The following RBFOX1 variants were observed in gnomAD, a reference collection of about 807,000 sequenced individuals.
RBFOX1 encodes the protein RNA binding fox-1 homolog 1.
RBFOX1 carries 8 observed loss-of-function variants against 57.7 expected under a neutral mutation model. The ratio of observed to expected loss-of-function variants is 0.14; its 90% CI spans 0.08 to 0.25. The LOEUF is 0.25. Ranked by LOEUF, RBFOX1 falls within the 10% of genes least tolerant of loss-of-function variation. The pLI is 1.00. For missense variants in RBFOX1, 611 were observed against 548.5 expected, an observed-to-expected ratio of 1.11 and a Z score of -1.14; for synonymous variants, 326 against 222.4, an observed-to-expected ratio of 1.47 and a Z score of -4.15.
chr16:6,696,451 T>G (rs541259808), intron 3 of RBFOX1, among the ~76,000 whole-genome samples: 20 of 152,330 alleles, frequency 1.3e-4, no homozygotes, highest in South Asian at 4.1e-4. Flanking sequence ...GAAATAAATA[T>G]AATCTTTGAA....
At chr16:7,242,490 T>C (rs2094115698) in intron 4 of RBFOX1, among the ~76,000 whole-genome samples, 1 of 152,214 alleles carries the variant, frequency 6.6e-6, no homozygotes, top group Admixed American at 6.5e-5. Context: ...ATAGATACAG[T>C]GTACCTCCCC....
intron 1 of RBFOX1, among the ~76,000 whole-genome samples, chr16:6,281,685 A>C (rs1181716934): frequency 6.6e-6 from 1 of 152,178 alleles, no homozygotes; most frequent in African/African-American, 2.4e-5. Context: ...TGCCGACGTA[A>C]TAACAACACT....
chr16:6,252,252 C>G (rs1338917222), intron 1 of RBFOX1, among the ~76,000 whole-genome samples: 1 of 152,040 alleles, frequency 6.6e-6, no homozygotes, highest in Admixed American at 6.6e-5. Flanking sequence ...CGCCCCCACC[C>G]TAAACCTGAA....
chr16:6,620,355 A>G (rs1307514688), intron 2 of RBFOX1, among the ~76,000 whole-genome samples: 1 of 152,218 alleles, frequency 6.6e-6, no homozygotes, highest in Admixed American at 6.5e-5. Flanking sequence ...CAGTGTTAAG[A>G]GGGAAATGTA....
chr16:6,675,229 G>C (rs1209337968), intron 3 of RBFOX1, among the ~76,000 whole-genome samples: 1 of 152,168 alleles, frequency 6.6e-6, no homozygotes, highest in Non-Finnish European at 1.5e-5. Flanking sequence ...AAGCAACCCA[G>C]GTTGTGGTGA....
intron 2 of RBFOX1, among the ~76,000 whole-genome samples, chr16:6,513,425 C>G (rs35156265): frequency 2.6e-5 from 4 of 152,078 alleles, no homozygotes; most frequent in African/African-American, 7.2e-5. Flanking sequence ...GGACTCATGA[C>G]TCTGTGTAAA....
chr16:6,419,565 A>G (rs1480611666), intron 2 of RBFOX1, among the ~76,000 whole-genome samples: 1 of 152,226 alleles, frequency 6.6e-6, no homozygotes, highest in Non-Finnish European at 1.5e-5. Context: ...GCAGAGGAGA[A>G]TGAAAAGGTA....
intron 3 of RBFOX1, among the ~76,000 whole-genome samples, chr16:6,667,737 C>T (rs1311107440): frequency 6.6e-6 from 1 of 151,892 alleles, no homozygotes; most frequent in African/African-American, 2.4e-5. Context: ...AAAATATAGC[C>T]ACATAGTTAG....
chr16:7,182,318 C>A (rs1217543777), intron 4 of RBFOX1, among the ~76,000 whole-genome samples: 1 of 150,460 alleles, frequency 6.6e-6, no homozygotes, highest in East Asian at 1.9e-4. Context: ...TGCCCCCCTG[C>A]AAAAAAAAAG....
intron 3 of RBFOX1, among the ~76,000 whole-genome samples, chr16:5,834,167 T>C (rs1402817063): frequency 6.6e-6 from 1 of 152,218 alleles, no homozygotes; most frequent in African/African-American, 2.4e-5. Flanking sequence ...GGTTTTTGGT[T>C]ACATGGATTC....
chr16:7,320,105 G>C (rs1053759957), intron 4 of RBFOX1, among the ~76,000 whole-genome samples: 1 of 152,128 alleles, frequency 6.6e-6, no homozygotes, highest in Non-Finnish European at 1.5e-5. Flanking sequence ...CAGGATACAT[G>C]TGCAGGATGT....
intron 4 of RBFOX1, among the ~76,000 whole-genome samples, chr16:7,393,931 C>G (rs2098091333): frequency 6.6e-6 from 1 of 151,950 alleles, no homozygotes; most frequent in African/African-American, 2.4e-5. Flanking sequence ...GGCTGAGGCA[C>G]CAGCTTTAAG....
chr16:6,591,254 T>C (rs1490442229), intron 2 of RBFOX1, among the ~76,000 whole-genome samples: 1 of 152,182 alleles, frequency 6.6e-6, no homozygotes, highest in Non-Finnish European at 1.5e-5. Flanking sequence ...AAGACCAGCC[T>C]GGCCAACATG....
intron 2 of RBFOX1, among the ~76,000 whole-genome samples, chr16:6,477,591 G>A (rs942383032): frequency 1.3e-5 from 2 of 152,220 alleles, no homozygotes; most frequent in African/African-American, 4.8e-5. Context: ...AGTAGATTTA[G>A]AGTTATTCTT....
intron 4 of RBFOX1, among the ~76,000 whole-genome samples, chr16:5,948,919 CACA>C (rs1426166058): frequency 3.3e-5 from 5 of 152,180 alleles, no homozygotes; most frequent in Admixed American, 3.3e-4. Flanking sequence ...GGGTACATTA[CACA>C]ACAACAGATG....
intron 1 of RBFOX1, among the ~76,000 whole-genome samples, chr16:6,157,289 C>G (rs1408125328): frequency 6.6e-6 from 1 of 151,930 alleles, no homozygotes; most frequent in Non-Finnish European, 1.5e-5. Context: ...CCAAGGTAAG[C>G]CCAGAAACCA....
intron 4 of RBFOX1, among the ~76,000 whole-genome samples, chr16:7,132,730 C>G (rs754267374): frequency 3.3e-5 from 5 of 151,902 alleles, no homozygotes; most frequent in East Asian, 1.9e-4. Context: ...CAACCAGTCA[C>G]AAGAAGACAA....
chr16:6,676,105 G>A (rs959598398), intron 3 of RBFOX1, among the ~76,000 whole-genome samples: 7 of 150,536 alleles, frequency 4.7e-5, no homozygotes, highest in African/African-American at 7.4e-5. Flanking sequence ...ATCAGAAGTA[G>A]GTAGAAGGAT....
chr16:6,544,203 C>T (rs1019511223), intron 2 of RBFOX1, among the ~76,000 whole-genome samples: 2 of 152,162 alleles, frequency 1.3e-5, no homozygotes, highest in African/African-American at 4.8e-5. Flanking sequence ...AACAGGCATT[C>T]ACTTTATGGT....
Sources: allele counts gnomAD v4.1 joint callset (sites outside exome capture counted in the v4.1 genomes callset), GRCh38; gene constraint gnomAD v4.1.1; transcripts MANE v1.5; gene names NCBI Gene and HGNC (gene_info 2026-07-23, HGNC 2026-07-21).